RGS5: variants seen among roughly 807,000 people sequenced by gnomAD.
RGS5 encodes the protein regulator of G protein signaling 5, also known as regulator of G-protein signalling 5.
RGS5 carries 20 observed loss-of-function variants against 18.9 expected under a neutral mutation model. That is an observed-to-expected ratio of 1.06 (90% confidence interval 0.74 to 1.54). RGS5 has a LOEUF of 1.54. Among genes scored for constraint, RGS5 ranks in the 40% most tolerant of loss-of-function variants. The probability of loss-of-function intolerance (pLI) is 0.00; values close to 1 mark genes in which losing one functional copy is unlikely to be tolerated. For missense variants in RGS5, 201 were observed against 211.8 expected, an observed-to-expected ratio of 0.95 and a Z score of 0.32; for synonymous variants, 57 against 76.2, an observed-to-expected ratio of 0.75 and a Z score of 1.31.
rs1226584805 is a variant in RGS5 at position 163,144,210 on chromosome 1, A to G, written c.*3132T>C. On this transcript the variant is annotated 3_prime_UTR_variant, in exon 5 of 5. Transcript: ENST00000313961. ...AAAGGTGTCTACCTGAAAGAAACAA[A>G]AAGTGTGTGTGTGTATGTGTGGCGG... The G allele has an allele frequency of 6.6e-6, 1 of 152,138 alleles. No homozygotes were observed. Among genetic ancestry groups the G allele is most frequent in the East Asian group, 1.9e-4 (1 of 5,194 alleles). 9.4% of individuals were successfully genotyped at this position (152,138 alleles called of 1,614,324 possible).
chr1:163,258,346 T>G (rs1648333572), intron 2 of RGS5, among the ~76,000 whole-genome samples: 1 of 152,198 alleles, frequency 6.6e-6, no homozygotes, highest in Admixed American at 6.5e-5. Flanking sequence ...AATATGGATA[T>G]AAATCTGGAG....
In RGS5 at chr1:163,241,154, T is replaced by C. The variant is rs1190327100; in HGVS notation, c.-281+65079A>G. On this transcript the variant is annotated intron_variant, in intron 2 of 5. Transcript: ENST00000618415. ...AGATGTATTTACCCTACTTTACTTT[T>C]CTTCTATAATAACTGATATTGTATT... is the stretch of plus-strand genomic sequence containing the variant. Among the ~76,000 whole-genome samples, 7 of 152,244 alleles carry C rather than the reference T, an allele frequency of 4.6e-5. No homozygotes were observed. The South Asian group carries it at 1.4e-3, about 32-fold the overall frequency.
At chr1:163,308,760 G>A (rs1649774252) in intron 1 of RGS5, 1 of 152,118 alleles carries the variant, frequency 6.6e-6, no homozygotes, top group Non-Finnish European at 1.5e-5. Context: ...ACATAATTAT[G>A]TACAGGCATA....
At chr1:163,157,039 G>C (rs1335032507) in intron 3 of RGS5, among the ~76,000 whole-genome samples, 2 of 152,234 alleles carry the variant, frequency 1.3e-5, no homozygotes, top group East Asian at 3.9e-4. Flanking sequence ...GAAGCAAAAG[G>C]GGAGTGCAAA....
At position 163,143,267 on chromosome 1, in the gene RGS5, A is replaced by T. The variant is rs1656995587; in HGVS notation, c.*4075T>A. 1 of 152,190 alleles carries T rather than the reference A, an allele frequency of 6.6e-6. No homozygotes were observed. Among genetic ancestry groups the T allele is most frequent in the Non-Finnish European group, 1.5e-5 (1 of 68,020 alleles). The allele number at this position is 152,190 out of a possible 1,614,324, so 9.4% of individuals were successfully genotyped here. Reference sequence around the variant, plus strand: ...AGAATGAAGAGACTATAAGCCAGAGAGGTTTAATAGCAGTTGAGCCAGCAT... The same window carrying T: ...AGAATGAAGAGACTATAAGCCAGAGTGGTTTAATAGCAGTTGAGCCAGCAT... On this transcript the variant is annotated 3_prime_UTR_variant, in exon 5 of 5. Transcript: ENST00000313961.
At chr1:163,275,556 A>T (rs1648831821) in intron 2 of RGS5, among the ~76,000 whole-genome samples, 1 of 152,230 alleles carries the variant, frequency 6.6e-6, no homozygotes, top group South Asian at 2.1e-4. Context: ...TTGAATTACT[A>T]TGCCAACAAA....
At position 163,180,362 on chromosome 1, in the gene RGS5, T is replaced by A. The variant is rs1658760163; in HGVS notation, c.45-11994A>T. Among the ~76,000 whole-genome samples, 3 of 152,204 alleles carry A rather than the reference T, an allele frequency of 2.0e-5. No homozygotes were observed. In the South Asian group the frequency reaches 6.2e-4, roughly 31 times the overall value. ...GTCTGAATTACTGTAACATCCCACCTGCCCATTTTCCTCTTCCTATTGCAG... is the reference window on the plus strand; with the variant it reads ...GTCTGAATTACTGTAACATCCCACCAGCCCATTTTCCTCTTCCTATTGCAG... On this transcript the variant is annotated intron_variant, in intron 1 of 4. Transcript: ENST00000313961.
rs942137496 is a variant in RGS5 at position 163,142,455 on chromosome 1, A to G, written c.*4887T>C. 4 of 152,174 alleles carry G rather than the reference A, an allele frequency of 2.6e-5. No individual in the cohort carries two copies. The highest frequency in any genetic ancestry group is 6.6e-5 in the Admixed American group (1 of 15,262). 9.4% of individuals were successfully genotyped at this position (152,174 alleles called of 1,614,324 possible). A position where few individuals can be genotyped will look rare whatever the true frequency, so the allele number is the denominator to read the frequency against. Reference sequence around the variant, plus strand: ...ACACAATTTTTCTTGAATTTAAAATATATGGGATAAATGCTTACAAATGGA... The same window carrying G: ...ACACAATTTTTCTTGAATTTAAAATGTATGGGATAAATGCTTACAAATGGA... On this transcript the variant is annotated 3_prime_UTR_variant, in exon 5 of 5. Coordinates refer to ENST00000313961, the MANE Select transcript of RGS5 (RefSeq NM_003617.4).
chr1:163,231,565 T>TGGA (rs1647482162), intron 2 of RGS5, among the ~76,000 whole-genome samples: 1 of 152,178 alleles, frequency 6.6e-6, no homozygotes, highest in South Asian at 2.1e-4. Context: ...ACGTTGGGTC[T>TGGA]ATTTTTAGTC....
At position 163,177,141 on chromosome 1, in the gene RGS5, CT is replaced by C. The variant is rs533754597; in HGVS notation, c.45-8774del. Among the ~76,000 whole-genome samples the C allele has an allele frequency of 9.3e-3, 1,409 of 152,266 alleles. 6 individuals carry two copies. Among genetic ancestry groups the C allele is most frequent in the Non-Finnish European group, 0.016 (1,089 of 68,026 alleles). ...CACAATAATATTCAAGTTATTTGGACTTGTGACACTATTGTGGAAACCCCCA... is the reference window on the plus strand; with the variant it reads ...CACAATAATATTCAAGTTATTTGGACTGTGACACTATTGTGGAAACCCCCA... On this transcript the variant is annotated intron_variant, in intron 1 of 4. Transcript: ENST00000313961.
intron 2 of RGS5, among the ~76,000 whole-genome samples, chr1:163,226,185 GCT>G (rs879365764): frequency 0.22 from 33,504 of 152,090 alleles, 4,203 homozygotes; most frequent in Non-Finnish European, 0.28. Context: ...CTCCCAAAGT[GCT>G]GGGATTATAG....
At chr1:163,221,295 C>T (rs117435234), upstream of RGS5, among the ~76,000 whole-genome samples, 11 of 152,150 alleles carry the variant, frequency 7.2e-5, no homozygotes, top group East Asian at 1.5e-3. Context: ...ATCAGGAGTT[C>T]GCGACCAGCT....
intron 2 of RGS5, among the ~76,000 whole-genome samples, chr1:163,247,167 T>C (rs950882093): frequency 6.6e-6 from 1 of 152,142 alleles, no homozygotes; most frequent in African/African-American, 2.4e-5. Flanking sequence ...ATAATCTGTA[T>C]ACCAAACTCC....
intron 2 of RGS5, among the ~76,000 whole-genome samples, chr1:163,232,014 G>A (rs1647494888): frequency 6.6e-6 from 1 of 151,954 alleles, no homozygotes; most frequent in Non-Finnish European, 1.5e-5. Flanking sequence ...CTGGACTCTA[G>A]AGTCATTTTT....
At position 163,259,318 on chromosome 1, in the gene RGS5, A is replaced by ATT. The variant is rs147396685; in HGVS notation, c.-281+46913_-281+46914dup. ...AGGCATCTGCCACCATGCCCGGCTAATTTTTTTTTTTTTATCTTTTTTTTT... is the reference window on the plus strand; with the variant it reads ...AGGCATCTGCCACCATGCCCGGCTAATTTTTTTTTTTTTTTATCTTTTTTTTT... On this transcript the variant is annotated intron_variant, in intron 2 of 5. Coordinates refer to the RGS5 transcript ENST00000618415. Among the ~76,000 whole-genome samples, 36 of 146,830 alleles carry ATT rather than the reference A, an allele frequency of 2.5e-4. 1 individual carries two copies. Among genetic ancestry groups the ATT allele is most frequent in the Middle Eastern group, 3.5e-3 (1 of 282 alleles).
At chr1:163,248,921 T>C (rs1003838449) in intron 2 of RGS5, among the ~76,000 whole-genome samples, 1 of 152,168 alleles carries the variant, frequency 6.6e-6, no homozygotes, top group African/African-American at 2.4e-5. Flanking sequence ...AGCTGAAGAA[T>C]AGCCCACCTC....
chr1:163,201,479 A>C (rs1659768788), intron 1 of RGS5, among the ~76,000 whole-genome samples: 1 of 152,142 alleles, frequency 6.6e-6, no homozygotes, highest in African/African-American at 2.4e-5. Flanking sequence ...TTTTATGTAA[A>C]TTTAAAAAAC....
In RGS5 at chr1:163,189,372, T is replaced by A. The variant is rs539610791; in HGVS notation, c.44+13420A>T. Among the ~76,000 whole-genome samples, 168 of 152,128 alleles carry A rather than the reference T, an allele frequency of 1.1e-3. 1 individual carries two copies. The highest frequency in any genetic ancestry group is 3.8e-3 in the African/African-American group (157 of 41,502). On this transcript the variant is annotated intron_variant, in intron 1 of 4. Coordinates refer to ENST00000313961, the MANE Select transcript of RGS5 (RefSeq NM_003617.4). ...GGAACTCTTCCCAACAAGGTAAAAA[T>A]GTTCAAAAAGTTATTAAGGCATTAG...
At chr1:163,177,325 T>C (rs1316638078) in intron 1 of RGS5, among the ~76,000 whole-genome samples, 1 of 152,224 alleles carries the variant, frequency 6.6e-6, no homozygotes, top group East Asian at 1.9e-4. Context: ...CAGCTTAGAA[T>C]ATTATTGTAT....
Sources: allele counts gnomAD v4.1 joint callset (sites outside exome capture counted in the v4.1 genomes callset), GRCh38; gene constraint gnomAD v4.1.1; transcripts MANE v1.5; gene names NCBI Gene and HGNC (gene_info 2026-07-23, HGNC 2026-07-21).